TNK1: variants seen among roughly 807,000 people sequenced by gnomAD.
TNK1 encodes non-receptor tyrosine-protein kinase TNK1.
In TNK1, 53 loss-of-function variants were observed where a neutral mutation model predicts 65.2. That is an observed-to-expected ratio of 0.81 (90% CI 0.65 to 1.02). The LOEUF (loss-of-function observed/expected upper bound fraction) is 1.02, where lower values mean the gene tolerates loss of function less well. Among genes scored for constraint, TNK1 ranks in the 50% least tolerant of loss-of-function variants. TNK1 has a pLI of 0.00. For synonymous variants in TNK1, 353 were observed against 364.6 expected, an observed-to-expected ratio of 0.97 and a Z score of 0.36; for missense variants, 837 against 878.4, an observed-to-expected ratio of 0.95 and a Z score of 0.60.
intron 6 of TNK1, 25 bp downstream of exon 6, chr17:7,384,278 G>C: frequency 1.4e-6 from 2 of 1,443,780 alleles, no homozygotes; most frequent in Non-Finnish European, 9.0e-7. Context: ...GCGGGCGGTC[G>C]GGCTCTGAGC....
chr17:7,386,859 G>A (rs1255468681), intron 8 of TNK1, 131 bp from the exon 9 acceptor site: 1 of 1,313,150 alleles, frequency 7.6e-7, no homozygotes, highest in South Asian at 1.5e-5. Context: ...ATTGCATTAG[G>A]GAAAAGGCTT....
At chr17:7,387,542 C>T in intron 10 of TNK1, 85 bp downstream of exon 10, 2 of 1,135,432 alleles carry the variant, frequency 1.8e-6, no homozygotes, top group Non-Finnish European at 1.3e-6. Flanking sequence ...CATGCCTTTG[C>T]ATCTATTATT....
Position 7,384,167 on chromosome 17 carries a change from G to T in TNK1, c.780G>T (p.Lys260Asn). ...TGCTGGCGTCGCCGCGCACCATCAAGGTGGCTGACTTCGGGCTGGTGCGGC... is the reference window on the plus strand; with the variant it reads ...TGCTGGCGTCGCCGCGCACCATCAATGTGGCTGACTTCGGGCTGGTGCGGC... ...NLLLASPRTI[K>N]VADFGLVRPL... The change falls in exon 6 of 13, where the codon AAG becomes AAT. Residue 260 changes from lysine to asparagine, a missense_variant. Lys to Asn is a moderately conservative substitution (Grantham distance 94). Transcript: ENST00000688331. 1 of 1,538,158 alleles carries T rather than the reference G, an allele frequency of 6.5e-7. No homozygotes were observed. The highest frequency in any genetic ancestry group is 1.4e-5 in the African/African-American group (1 of 72,992).
At chr17:7,380,586 C>T (rs1445352147), upstream of TNK1, 1 of 152,290 alleles carries the variant, frequency 6.6e-6, no homozygotes, top group East Asian at 1.9e-4. Context: ...TCCGTACCAG[C>T]ATCAACATCT....
Position 7,382,963 on chromosome 17 carries a change from C to T in TNK1, c.37C>T (p.Leu13=). Residue 13 remains leucine, a synonymous_variant, in exon 2 of 13, where the codon CTG becomes TTG. Coordinates refer to ENST00000688331, the MANE Select transcript of TNK1 (RefSeq NM_003985.6). The surrounding 1 kb of genome is among the most constrained non-coding windows in gnomAD (Gnocchi z 4.1). Reference sequence around the variant, plus strand: ...GGCTGGCTCCCTGTGGCTACTGAAGCTGCTCCGGGACATCCAGTTGGCCCA... The same window carrying T: ...GGCTGGCTCCCTGTGGCTACTGAAGTTGCTCCGGGACATCCAGTTGGCCCA... ...PEAGSLWLLK[L]LRDIQLAQFY... is the part of the protein sequence containing the mutation. 6.2e-7 allele frequency: 1 copy of T among 1,614,032 alleles called. No homozygotes were observed. Among genetic ancestry groups the T allele is most frequent in the Non-Finnish European group, 8.5e-7 (1 of 1,179,878 alleles).
At position 7,389,131 on chromosome 17, in the gene TNK1, C is replaced by G. The variant is rs1209914910; in HGVS notation, c.*47C>G. ...ACACCAGCATGAAAAGCCTAGGCCC[C>G]TGAGGGCCTGGCCACATGGGACCAA... On this transcript the variant is annotated 3_prime_UTR_variant, in exon 13 of 13. Coordinates refer to ENST00000688331, the MANE Select transcript of TNK1 (RefSeq NM_003985.6). 1 of 1,462,594 alleles carries G rather than the reference C, an allele frequency of 6.8e-7. No individual in the cohort carries two copies. Among genetic ancestry groups the G allele is most frequent in the Non-Finnish European group, 9.4e-7 (1 of 1,069,238 alleles). 90.6% of individuals were successfully genotyped at this position (1,462,594 alleles called of 1,614,324 possible).
chr17:7,387,849 C>T (rs1355504553), intron 10 of TNK1, among the ~76,000 whole-genome samples: 1 of 152,168 alleles, frequency 6.6e-6, no homozygotes, highest in Non-Finnish European at 1.5e-5. Context: ...GGTGATCTGC[C>T]TGCCTCGGCC....
In TNK1 at chr17:7,382,921, C is replaced by T. The variant is rs544127209; in HGVS notation, c.-6C>T. 1.9e-6 allele frequency: 3 copies of T among 1,613,760 alleles called. No individual in the cohort carries two copies. The highest frequency in any genetic ancestry group is 2.5e-6 in the Non-Finnish European group (3 of 1,179,754). ...GCCATCATCCTTAGGAACTCCTTCT[C>T]CAGACATGCTTCCTGAGGCTGGCTC... On this transcript the variant is annotated 5_prime_UTR_variant, in exon 2 of 13. Transcript: ENST00000688331. The surrounding 1 kb of genome is among the most constrained non-coding windows in gnomAD (Gnocchi z 4.1).
chr17:7,384,300 G>A (rs1049173068), intron 6 of TNK1, 47 bp downstream of exon 6: 2 of 1,436,592 alleles, frequency 1.4e-6, no homozygotes, highest in Non-Finnish European at 1.8e-6. Flanking sequence ...GGGCGGATCC[G>A]GAGGGCAGCA....
At chr17:7,384,289 C>G in intron 6 of TNK1, 36 bp downstream of exon 6, 3 of 1,438,322 alleles carry the variant, frequency 2.1e-6, no homozygotes, top group South Asian at 1.5e-5. Context: ...GGCTCTGAGC[C>G]GGGCGGATCC....
upstream of TNK1, chr17:7,380,841 G>C (rs1392540836): frequency 6.6e-6 from 1 of 152,480 alleles, no homozygotes; most frequent in African/African-American, 2.4e-5. Context: ...GAAGCTATTC[G>C]GAGAAGGCTG....
Position 7,388,528 on chromosome 17 carries a change from C to T in TNK1, c.1600C>T (p.Arg534Cys), listed in dbSNP as rs36046975. 428 of 1,613,984 alleles carry T rather than the reference C, an allele frequency of 2.7e-4. 3 individuals are homozygous for T. In the East Asian group the frequency reaches 8.3e-3, roughly 31 times the overall value. ...VPQGPPGLPP[R>C]PPLSSSSPQP... ...CCAGGGACCTCCAGGCCTGCCTCCA[C>T]GCCCACCTTTATCCTCTAGCTCTCC... The change falls in exon 11 of 13, where the codon CGC (arginine) becomes TGC (cysteine). Residue 534 changes from arginine to cysteine, a missense_variant. Arg to Cys is a radical substitution (Grantham distance 180). Coordinates refer to ENST00000688331, the MANE Select transcript of TNK1 (RefSeq NM_003985.6). This position sits in a 1 kb window ranked among gnomAD's most constrained non-coding sequence, Gnocchi z 4.5.
In TNK1 at chr17:7,383,175, T is replaced by G. The variant is rs549640660; in HGVS notation, c.164-75T>G. ...CCCACCACAACCCTCTTCCAGCCCT[T>G]TTCTTCCCTGTAAGTCTCTCCGCAC... On this transcript the variant is annotated intron_variant, in intron 2 of 12. Coordinates refer to ENST00000688331, the MANE Select transcript of TNK1 (RefSeq NM_003985.6). 2.5e-6 allele frequency: 4 copies of G among 1,611,808 alleles called. No individual in the cohort carries two copies. The East Asian group carries it at 6.7e-5, about 27-fold the overall frequency.
chr17:7,380,697 T>G (rs1440109561), upstream of TNK1: 1 of 152,238 alleles, frequency 6.6e-6, no homozygotes, highest in African/African-American at 2.4e-5. Flanking sequence ...TAGCCTTATA[T>G]TCCCTGTGCG....
intron 10 of TNK1, 99 bp downstream of exon 10, chr17:7,387,556 T>A: frequency 1.0e-6 from 1 of 998,232 alleles, no homozygotes; most frequent in East Asian, 2.7e-5. Context: ...TATTATTTCC[T>A]TCCTCTGAAT....
In TNK1 at chr17:7,389,145, A is replaced by T. The variant is rs1023871955; in HGVS notation, c.*61A>T. The T allele has an allele frequency of 2.2e-6, 3 of 1,351,126 alleles. No individual in the cohort carries two copies. Among genetic ancestry groups the T allele is most frequent in the African/African-American group, 2.9e-5 (2 of 68,880 alleles). 83.7% of individuals were successfully genotyped at this position (1,351,126 alleles called of 1,614,324 possible). ...AGCCTAGGCCCCTGAGGGCCTGGCC[A>T]CATGGGACCAAGCGGAACCAGAACA... On this transcript the variant is annotated 3_prime_UTR_variant, in exon 13 of 13. Transcript: ENST00000688331.
rs1371116876 is a variant in TNK1 at position 7,382,170 on chromosome 17, G to A, written c.-91-666G>A. On this transcript the variant is annotated intron_variant, in intron 1 of 12. Coordinates refer to ENST00000688331, the MANE Select transcript of TNK1 (RefSeq NM_003985.6). This position sits in a 1 kb window ranked among gnomAD's most constrained non-coding sequence, Gnocchi z 4.1. ...AGTCCCAGCTACTTGGGAGGCTGAGGCAGAAGAATTGCTTGAACCCGGGAG... is the reference window on the plus strand; with the variant it reads ...AGTCCCAGCTACTTGGGAGGCTGAGACAGAAGAATTGCTTGAACCCGGGAG... 6.6e-6 allele frequency among the ~76,000 whole-genome samples: 1 copy of A among 151,690 alleles called. No individual in the cohort carries two copies. The highest frequency in any genetic ancestry group is 1.5e-5 in the Non-Finnish European group (1 of 68,016).
chr17:7,389,036 C>T lies in TNK1; in HGVS notation c.1938C>T (p.Tyr646=), dbSNP rs762750134. 24 of 1,554,858 alleles carry T rather than the reference C, an allele frequency of 1.5e-5. No individual in the cohort carries two copies. Among genetic ancestry groups the T allele is most frequent in the Non-Finnish European group, 2.0e-5 (23 of 1,148,776 alleles). Residue 646 remains tyrosine, a synonymous_variant, in exon 13 of 13, where the codon TAC becomes TAT. Coordinates refer to ENST00000688331, the MANE Select transcript of TNK1 (RefSeq NM_003985.6). ...ACTGCTGGCGCATCCTGGAGCATTA[C>T]CAGTGGGACCTCTCAGCTGCCAGCC... The part of the protein sequence containing the change: ...RADCWRILEH[Y]QWDLSAASRY...
Position 7,388,895 on chromosome 17 carries a change from C to A in TNK1, c.1872+12C>A. 1 of 1,580,142 alleles carries A rather than the reference C, an allele frequency of 6.3e-7. No individual in the cohort carries two copies. Among genetic ancestry groups the A allele is most frequent in the East Asian group, 2.3e-5 (1 of 43,014 alleles). ...TCCGGAACCTCAAGGTAAAGCCAGC[C>A]CCTTCTCTTGGGGTCCCTCCTCTCC... is the stretch of plus-strand genomic sequence containing the variant. On this transcript the variant is annotated intron_variant, in intron 12 of 12. Coordinates refer to ENST00000688331, the MANE Select transcript of TNK1 (RefSeq NM_003985.6). The surrounding 1 kb of genome is among the most constrained non-coding windows in gnomAD (Gnocchi z 4.5).
Sources: allele counts gnomAD v4.1 joint callset (sites outside exome capture counted in the v4.1 genomes callset), GRCh38; gene constraint gnomAD v4.1.1; non-coding constraint Gnocchi (gnomAD v3.1); transcripts MANE v1.5; gene names NCBI Gene and HGNC (gene_info 2026-07-23, HGNC 2026-07-21).